Variants in COL4A3 observed in about 807,000 individuals in gnomAD.
COL4A3 encodes collagen alpha-3(IV) chain.
A neutral mutation model predicts 217.4 loss-of-function variants in COL4A3; 135 were observed. The ratio of observed to expected loss-of-function variants is 0.62; its 90% confidence interval spans 0.54 to 0.72. COL4A3 has a LOEUF of 0.72. COL4A3 is among the 30% of genes least tolerant of loss of function. The pLI is 0.00. For synonymous variants in COL4A3, 690 were observed against 736.3 expected (o/e 0.94, Z 1.02); for missense variants, 1,868 against 2,119.9 (o/e 0.88, Z 2.33).
intron 1 of COL4A3, among the ~76,000 whole-genome samples, chr2:227,218,375 A>T (rs1033615675): frequency 6.6e-6 from 1 of 152,028 alleles, no homozygotes; most frequent in Non-Finnish European, 1.5e-5. Context: ...CTGAGGCAGG[A>T]GAATGGCGTG....
At chr2:227,166,876 C>G (rs1306972212) in intron 1 of COL4A3, among the ~76,000 whole-genome samples, 1 of 152,198 alleles carries the variant, frequency 6.6e-6, no homozygotes, top group Non-Finnish European at 1.5e-5. Context: ...CTGTTGACCA[C>G]TCTGAGCCTC....
intron 2 of COL4A3, chr2:227,238,270 T>C (rs1426746250): frequency 8.6e-6 from 3 of 350,356 alleles, no homozygotes; most frequent in South Asian, 6.9e-5. Context: ...CTGTAAAGAA[T>C]AAGTAGCAAA....
At chr2:227,178,853 C>G (rs1000439020) in intron 1 of COL4A3, among the ~76,000 whole-genome samples, 3 of 151,378 alleles carry the variant, frequency 2.0e-5, no homozygotes, top group African/African-American at 7.3e-5. Flanking sequence ...AGAGACTGAT[C>G]CAATGATGTT....
intron 11 of COL4A3, among the ~76,000 whole-genome samples, chr2:227,252,840 A>T (rs935016471): frequency 6.6e-6 from 1 of 152,198 alleles, no homozygotes; most frequent in African/African-American, 2.4e-5. Flanking sequence ...GACTCATGTC[A>T]CTAAATTACT....
chr2:227,257,681 G>T, intron 18 of COL4A3, 37 bp downstream of exon 18: 1 of 1,590,822 alleles, frequency 6.3e-7, no homozygotes, highest in South Asian at 1.1e-5. Context: ...TGCTATGTTT[G>T]ATCAAGTTCT....
At chr2:227,168,772 A>G (rs2065367198) in intron 1 of COL4A3, among the ~76,000 whole-genome samples, 1 of 152,046 alleles carries the variant, frequency 6.6e-6, no homozygotes, top group Non-Finnish European at 1.5e-5. Context: ...AGATCTCTTA[A>G]TCCTGTAATT....
In COL4A3 at chr2:227,314,661, A is replaced by G. The variant is rs779705298; in HGVS notation, c.*2791A>G. On this transcript the variant is annotated 3_prime_UTR_variant, in exon 52 of 52. Coordinates refer to ENST00000396578, the MANE Select transcript of COL4A3 (RefSeq NM_000091.5). ...CTCTATAACCAAATGAAATATATTTAAAATATATTGAATATTTTATATTGT... is the reference window on the plus strand; with the variant it reads ...CTCTATAACCAAATGAAATATATTTGAAATATATTGAATATTTTATATTGT... The G allele has an allele frequency of 6.6e-6, 1 of 152,220 alleles. No individual in the cohort carries two copies. Among genetic ancestry groups the G allele is most frequent in the Non-Finnish European group, 1.5e-5 (1 of 67,970 alleles). The allele number at this position is 152,220 out of a possible 1,614,324, so 9.4% of individuals were successfully genotyped here.
At chr2:227,249,478 C>T (rs1038200067) in intron 9 of COL4A3, among the ~76,000 whole-genome samples, 17 of 151,472 alleles carry the variant, frequency 1.1e-4, no homozygotes, top group African/African-American at 2.9e-4. Context: ...TCAGGTGATC[C>T]ACCAACTTCA....
At chr2:227,187,685 G>A (rs1294874164) in intron 1 of COL4A3, among the ~76,000 whole-genome samples, 2 of 152,208 alleles carry the variant, frequency 1.3e-5, no homozygotes, top group Non-Finnish European at 2.9e-5. Flanking sequence ...TTATAGCAAT[G>A]CAGTAGAAAT....
At chr2:227,236,549 C>T (rs1220478702) in intron 1 of COL4A3, among the ~76,000 whole-genome samples, 1 of 152,156 alleles carries the variant, frequency 6.6e-6, no homozygotes, top group Non-Finnish European at 1.5e-5. Flanking sequence ...CTGCCATCAA[C>T]ATATTTTCTG....
chr2:227,204,362 C>G (rs72975978), intron 1 of COL4A3, among the ~76,000 whole-genome samples: 4,372 of 152,230 alleles, frequency 0.029, 112 homozygotes, highest in Non-Finnish European at 0.039. Flanking sequence ...TCATTTCCTT[C>G]TATTTTTTTC....
intron 36 of COL4A3, 109 bp downstream of exon 36, chr2:227,290,197 TAAA>T: frequency 9.1e-7 from 1 of 1,095,886 alleles, no homozygotes; most frequent in Non-Finnish European, 1.4e-6. Context: ...AAGCTTATAT[TAAA>T]AAACTAGATT....
chr2:227,182,424 T>C (rs2065891174), intron 1 of COL4A3, among the ~76,000 whole-genome samples: 2 of 152,152 alleles, frequency 1.3e-5, no homozygotes, highest in African/African-American at 4.8e-5. Context: ...CAAAGAGCAA[T>C]GTCCTGTTTT....
At chr2:227,301,430 C>T (rs941323931) in intron 43 of COL4A3, among the ~76,000 whole-genome samples, 8 of 152,282 alleles carry the variant, frequency 5.3e-5, no homozygotes, top group Middle Eastern at 3.4e-3. Flanking sequence ...TGTTAGGAAT[C>T]GCTCTTAAGT....
chr2:227,227,621 C>A (rs1159438689), intron 1 of COL4A3: 1 of 152,218 alleles, frequency 6.6e-6, no homozygotes, highest in Non-Finnish European at 1.5e-5. Context: ...GATCCCCACT[C>A]CCCATGTTCC....
At chr2:227,216,037 G>A (rs1574591757) in intron 1 of COL4A3, among the ~76,000 whole-genome samples, 1 of 152,158 alleles carries the variant, frequency 6.6e-6, no homozygotes, top group East Asian at 1.9e-4. Context: ...CAAATTCATA[G>A]AGACAGAATA....
At chr2:227,209,603 G>A (rs972819492) in intron 1 of COL4A3, among the ~76,000 whole-genome samples, 1 of 152,160 alleles carries the variant, frequency 6.6e-6, no homozygotes, top group African/African-American at 2.4e-5. Context: ...ACTTTGGGAG[G>A]CTGAGGTGGG....
intron 38 of COL4A3, chr2:227,293,814 T>C: frequency 4.3e-6 from 2 of 469,246 alleles, no homozygotes; most frequent in Admixed American, 2.4e-5. Context: ...GTTCTTGGCT[T>C]GTGGATGGCT....
chr2:227,164,762 C>T lies in COL4A3; in HGVS notation c.36C>T (p.Leu12=), dbSNP rs1189095338. The change falls in exon 1 of 52, where the codon CTC becomes CTT. Residue 12 remains leucine, a synonymous_variant. Transcript: ENST00000396578. The surrounding 1 kb of genome is among the most constrained non-coding windows in gnomAD (Gnocchi z 4.8). The part of the protein sequence containing the change: ...SARTAPRPQV[L]LLPLLLVLLA... ...GGACCGCCCCCAGGCCGCAGGTGCT[C>T]CTGCTGCCGCTCCTGCTGGTGCTCC... is the stretch of plus-strand genomic sequence containing the variant. The T allele has an allele frequency of 8.5e-6, 13 of 1,523,622 alleles. No homozygotes were observed. In the East Asian group the frequency reaches 3.0e-4, roughly 35 times the overall value. The allele number at this position is 1,523,622 out of a possible 1,614,324, so 94.4% of individuals were successfully genotyped here. A position where few individuals can be genotyped will look rare whatever the true frequency, so the allele number is the denominator to read the frequency against.
Sources: allele counts gnomAD v4.1 joint callset (sites outside exome capture counted in the v4.1 genomes callset), GRCh38; gene constraint gnomAD v4.1.1; non-coding constraint Gnocchi (gnomAD v3.1); transcripts MANE v1.5; gene names NCBI Gene and HGNC (gene_info 2026-07-23, HGNC 2026-07-21).